Variants in AFF3 observed in about 807,000 individuals in gnomAD.
AFF3 encodes the protein ALF transcription elongation factor 3.
A neutral mutation model predicts 129.7 loss-of-function variants in AFF3; 32 were observed. The observed-to-expected ratio is 0.25, with a 90% CI of 0.19 to 0.33. The LOEUF is 0.33. Among genes scored for constraint, AFF3 ranks in the 10% least tolerant of loss-of-function variants. The pLI is 1.00. For synonymous variants in AFF3, 644 were observed against 635.4 expected (o/e 1.01, Z -0.20); for missense variants, 1,373 against 1,592.0 (o/e 0.86, Z 2.34).
intron 1 of AFF3, among the ~76,000 whole-genome samples, chr2:100,130,451 A>C (rs186769639): frequency 2.2e-4 from 33 of 152,340 alleles, no homozygotes; most frequent in Admixed American, 2.1e-3. Context: ...ATGCCAATGC[A>C]TTTGTGAGAA....
In AFF3 at chr2:100,058,167, G is replaced by C. The variant is rs1686958430; in HGVS notation, c.53+46235C>G. Among the ~76,000 whole-genome samples the C allele has an allele frequency of 2.0e-5, 3 of 152,120 alleles. 1 individual carries two copies. In the South Asian group the frequency reaches 6.2e-4, roughly 32 times the overall value. ...GATATGCCAAGAAATGGCATACCAG[G>C]CATTTTATAAACATGATTTCATGGA... is the stretch of plus-strand genomic sequence containing the variant. On this transcript the variant is annotated intron_variant, in intron 4 of 24. Coordinates refer to ENST00000672756, the MANE Select transcript of AFF3 (RefSeq NM_001386135.1).
intron 7 of AFF3, among the ~76,000 whole-genome samples, chr2:99,882,017 T>C (rs1159641082): frequency 6.6e-6 from 1 of 151,920 alleles, no homozygotes; most frequent in African/African-American, 2.4e-5. Context: ...TAGCAGCAAA[T>C]CATGTCTCAT....
At chr2:99,752,712 G>A (rs1420843417) in intron 8 of AFF3, among the ~76,000 whole-genome samples, 1 of 152,176 alleles carries the variant, frequency 6.6e-6, no homozygotes, top group Non-Finnish European at 1.5e-5. Flanking sequence ...ATCTTTATTA[G>A]AGGAGTTATT....
At chr2:99,926,382 G>A (rs111377891) in intron 7 of AFF3, among the ~76,000 whole-genome samples, 11 of 152,244 alleles carry the variant, frequency 7.2e-5, no homozygotes, top group African/African-American at 2.6e-4. Flanking sequence ...GTCAGGCACT[G>A]GTTCTTTACG....
chr2:100,069,497 T>C lies in AFF3; in HGVS notation c.53+34905A>G, dbSNP rs187123247. Among the ~76,000 whole-genome samples, 1,249 of 152,346 alleles carry C rather than the reference T, an allele frequency of 8.2e-3. 9 individuals carry two copies. The highest frequency in any genetic ancestry group is 0.014 in the Non-Finnish European group (946 of 68,042). On this transcript the variant is annotated intron_variant, in intron 4 of 24. Coordinates refer to ENST00000672756, the MANE Select transcript of AFF3 (RefSeq NM_001386135.1). ...TTTAAATAACACGTAAAATACCTAG[T>C]ATGATGCCTCTACCTAGAAAACAGT...
chr2:99,737,998 C>T (rs1401366731), intron 10 of AFF3, among the ~76,000 whole-genome samples: 1 of 151,942 alleles, frequency 6.6e-6, no homozygotes, highest in African/African-American at 2.4e-5. Flanking sequence ...TAACACTCCT[C>T]CAAGTTTTCT....
chr2:100,093,827 T>G (rs1690068133), intron 4 of AFF3, among the ~76,000 whole-genome samples: 1 of 152,198 alleles, frequency 6.6e-6, no homozygotes, highest in Non-Finnish European at 1.5e-5. Flanking sequence ...CAGAACGGAC[T>G]TTATCCACAT....
chr2:99,614,767 A>C (rs1055704804), intron 13 of AFF3, among the ~76,000 whole-genome samples: 1 of 152,216 alleles, frequency 6.6e-6, no homozygotes, highest in Admixed American at 6.5e-5. Flanking sequence ...CTGCTTTTGG[A>C]TTTATCAGCT....
At chr2:99,835,928 A>C (rs1037077521) in intron 8 of AFF3, among the ~76,000 whole-genome samples, 2 of 152,334 alleles carry the variant, frequency 1.3e-5, no homozygotes, top group African/African-American at 4.8e-5. Context: ...GGCTCTCATC[A>C]GCTCTCTTTA....
At chr2:99,937,771 T>C (rs751405193) in intron 7 of AFF3, among the ~76,000 whole-genome samples, 1 of 152,200 alleles carries the variant, frequency 6.6e-6, no homozygotes, top group Non-Finnish European at 1.5e-5. Context: ...ATGGTATGTC[T>C]AGTGACAACT....
intron 7 of AFF3, among the ~76,000 whole-genome samples, chr2:99,904,786 T>C (rs1694592988): frequency 6.6e-6 from 1 of 152,142 alleles, no homozygotes; most frequent in Non-Finnish European, 1.5e-5. Context: ...GCCCGTTCCA[T>C]AGCCTGTCTC....
At chr2:99,659,567 T>C (rs1364128390) in intron 12 of AFF3, among the ~76,000 whole-genome samples, 1 of 152,166 alleles carries the variant, frequency 6.6e-6, no homozygotes, top group African/African-American at 2.4e-5. Flanking sequence ...GTCTGTGACA[T>C]ACAATTTTAG....
At chr2:99,966,853 T>C (rs1445892869) in intron 7 of AFF3, among the ~76,000 whole-genome samples, 1 of 152,006 alleles carries the variant, frequency 6.6e-6, no homozygotes, top group African/African-American at 2.4e-5. Flanking sequence ...AATAATTTCA[T>C]TAAGATAAAT....
At chr2:99,698,615 A>G (rs1676537116) in intron 11 of AFF3, among the ~76,000 whole-genome samples, 1 of 152,214 alleles carries the variant, frequency 6.6e-6, no homozygotes, top group Non-Finnish European at 1.5e-5. Flanking sequence ...GATTTTTTAC[A>G]TATTTACCAG....
chr2:99,666,954 CAG>C (rs1291929796), intron 12 of AFF3, among the ~76,000 whole-genome samples: 1 of 152,132 alleles, frequency 6.6e-6, no homozygotes, highest in Admixed American at 6.5e-5. Flanking sequence ...CAATGACAGC[CAG>C]AGACTTCAAC....
chr2:99,745,959 G>GGAGACTCA (rs1443261193), intron 9 of AFF3, among the ~76,000 whole-genome samples: 1 of 152,018 alleles, frequency 6.6e-6, no homozygotes, highest in Non-Finnish European at 1.5e-5. Context: ...GATGAACTAT[G>GGAGACTCA]GAGACTCAGA....
chr2:99,586,576 T>G (rs935453739), intron 16 of AFF3, among the ~76,000 whole-genome samples: 1 of 152,208 alleles, frequency 6.6e-6, no homozygotes. Flanking sequence ...ATAAGCTACT[T>G]GTTTCTAATA....
intron 11 of AFF3, among the ~76,000 whole-genome samples, chr2:99,699,786 G>A (rs1040315506): frequency 5.3e-5 from 8 of 152,204 alleles, no homozygotes; most frequent in Admixed American, 5.2e-4. Flanking sequence ...TCACCACAAT[G>A]CTTTCCTTCT....
chr2:99,582,312 G>A (rs1677647461), intron 17 of AFF3, among the ~76,000 whole-genome samples: 1 of 152,162 alleles, frequency 6.6e-6, no homozygotes, highest in South Asian at 2.1e-4. Context: ...TTCCCCTGGG[G>A]CGTGCTGGAA....
Sources: gnomAD v4.1 joint callset for allele counts (sites outside exome capture counted in the v4.1 genomes callset) on GRCh38, gnomAD v4.1.1 for gene constraint, MANE v1.5 for transcripts, NCBI Gene and HGNC (gene_info 2026-07-23, HGNC 2026-07-21) for gene names.